Variants in SORBS2 observed in about 807,000 individuals in gnomAD.
SORBS2 encodes the protein sorbin and SH3 domain-containing protein 2.
A neutral mutation model predicts 97.7 loss-of-function variants in SORBS2; 46 were observed. That is an observed-to-expected ratio of 0.47 (90% CI 0.37 to 0.60). The LOEUF is 0.60. Among genes scored for constraint, SORBS2 ranks in the 20% least tolerant of loss-of-function variants. The pLI, the probability that SORBS2 is intolerant of heterozygous loss-of-function variation, is 0.00. For synonymous variants in SORBS2, 476 were observed against 473.4 expected, an observed-to-expected ratio of 1.01 and a Z score of -0.07; for missense variants, 1,316 against 1,282.3, an observed-to-expected ratio of 1.03 and a Z score of -0.40.
intron 4 of SORBS2, among the ~76,000 whole-genome samples, chr4:185,663,848 C>CTTTT (rs56177449): frequency 9.1e-4 from 74 of 80,986 alleles, no homozygotes; most frequent in African/African-American, 1.7e-3. Context: ...TAGATTTATT[C>CTTTT]TTTTTTTTTT....
rs543178060 is a variant in SORBS2 at position 185,737,766 on chromosome 4, C to T, written c.-198+37461G>A. 3.9e-5 allele frequency among the ~76,000 whole-genome samples: 6 copies of T among 152,326 alleles called. No individual in the cohort carries two copies. In the South Asian group the frequency reaches 1.2e-3, roughly 32 times the overall value. On this transcript the variant is annotated intron_variant, in intron 2 of 20. Transcript: ENST00000284776. ...CCTTCACGAAGTCAGGGTCTGTCCA[C>T]CGTCTAAAGATCGAGACCTCATGTT...
intron 2 of SORBS2, among the ~76,000 whole-genome samples, chr4:185,767,011 G>T (rs535549236): frequency 6.6e-6 from 1 of 151,186 alleles, no homozygotes; most frequent in Non-Finnish European, 1.5e-5. Flanking sequence ...GATTCTTTTC[G>T]GTATGCCGAC....
chr4:185,809,156 A>G (rs1326992005), intron 1 of SORBS2, among the ~76,000 whole-genome samples: 1 of 152,192 alleles, frequency 6.6e-6, no homozygotes, highest in East Asian at 1.9e-4. Context: ...CTATATTTAC[A>G]GTAACTAATA....
intron 1 of SORBS2, among the ~76,000 whole-genome samples, chr4:185,898,567 G>A (rs757573172): frequency 5.9e-5 from 9 of 152,124 alleles, no homozygotes; most frequent in Non-Finnish European, 1.0e-4. Context: ...AGTCAGTAAC[G>A]GGTGGCAAAA....
intron 1 of SORBS2, chr4:185,918,159 T>C (rs1034422833): frequency 4.6e-5 from 7 of 152,154 alleles, no homozygotes; most frequent in African/African-American, 1.7e-4. Flanking sequence ...ATACCTAAGA[T>C]GTTTTCACAG....
intron 1 of SORBS2, among the ~76,000 whole-genome samples, chr4:185,827,735 T>C (rs201307281): frequency 4.1e-4 from 19 of 46,092 alleles, no homozygotes; most frequent in South Asian, 7.2e-4. Flanking sequence ...ATCACCATCA[T>C]CATCACCATC....
At chr4:185,731,525 C>CCCCTCCCTCTCTCCCTGCCTATCTCTTT (rs2098628384) in intron 2 of SORBS2, among the ~76,000 whole-genome samples, 1 of 98,912 alleles carries the variant, frequency 1.0e-5, no homozygotes, top group Admixed American at 1.0e-4. Flanking sequence ...TATCTCTCTC[C>CCCCTCCCTCTCTCCCTGCCTATCTCTTT]CCCTCCCTCT....
chr4:185,761,755 GC>G (rs1204978765), intron 2 of SORBS2, among the ~76,000 whole-genome samples: 2 of 152,158 alleles, frequency 1.3e-5, no homozygotes, highest in African/African-American at 2.4e-5. Flanking sequence ...TGAGTTCCAT[GC>G]CCAGCAGTGA....
chr4:185,732,421 C>T (rs2098648352), intron 2 of SORBS2, among the ~76,000 whole-genome samples: 1 of 152,056 alleles, frequency 6.6e-6, no homozygotes, highest in South Asian at 2.1e-4. Flanking sequence ...AGATATTTTC[C>T]AGGGTTTTAG....
In SORBS2 at chr4:185,623,388, C is replaced by A; in HGVS notation, c.1741G>T (p.Ala581Ser). 6.2e-7 allele frequency: 1 copy of A among 1,612,568 alleles called. No homozygotes were observed. ...GGCTCCTCGGTGTTTTCGTGTCTGGCTCTTTCGTGTTTTAACATTGTGGTA... is the reference window on the plus strand; with the variant it reads ...GGCTCCTCGGTGTTTTCGTGTCTGGATCTTTCGTGTTTTAACATTGTGGTA... The change falls in exon 7 of 15, where the codon GCC (alanine) becomes TCC (serine). Residue 581 changes from alanine to serine, a missense_variant. Physicochemically the swap from Ala to Ser is moderately conservative, Grantham distance 99. Transcript: ENST00000418609. The surrounding 1 kb of genome is among the most constrained non-coding windows in gnomAD (Gnocchi z 6.4).
intron 1 of SORBS2, among the ~76,000 whole-genome samples, chr4:185,786,693 G>A (rs1273967308): frequency 6.6e-6 from 1 of 152,196 alleles, no homozygotes; most frequent in African/African-American, 2.4e-5. Context: ...TGGGCATCGT[G>A]GCTCACGCCT....
intron 7 of SORBS2, 136 bp downstream of exon 19, chr4:185,622,777 CA>C: frequency 1.3e-6 from 1 of 755,158 alleles, no homozygotes; most frequent in Non-Finnish European, 2.1e-6. Context: ...ATTTGCACAA[CA>C]AGTTTTTGCT....
chr4:185,601,558 G>A (rs1043099455), intron 12 of SORBS2, among the ~76,000 whole-genome samples: 2 of 152,038 alleles, frequency 1.3e-5, no homozygotes, highest in Non-Finnish European at 2.9e-5. Context: ...TACCAGTCCC[G>A]GACACCCTTC....
intron 1 of SORBS2, among the ~76,000 whole-genome samples, chr4:185,851,023 G>T (rs189807128): frequency 6.6e-6 from 1 of 152,244 alleles, no homozygotes. Context: ...GACACCAACG[G>T]CTTTCCTGGT....
intron 1 of SORBS2, chr4:185,933,032 G>A (rs926856299): frequency 3.3e-5 from 5 of 152,136 alleles, no homozygotes; most frequent in Non-Finnish European, 5.9e-5. Flanking sequence ...ATTACAACAC[G>A]GAGAAAACAT....
chr4:185,876,011 T>C (rs2099233405), intron 1 of SORBS2, among the ~76,000 whole-genome samples: 1 of 152,240 alleles, frequency 6.6e-6, no homozygotes, highest in South Asian at 2.1e-4. Flanking sequence ...AACAAACTCT[T>C]CTCTGTGTTT....
intron 1 of SORBS2, among the ~76,000 whole-genome samples, chr4:185,852,763 A>C (rs2099218646): frequency 6.6e-6 from 1 of 152,190 alleles, no homozygotes; most frequent in Non-Finnish European, 1.5e-5. Context: ...GAGTAGAGGC[A>C]TGTGGACTGA....
At chr4:185,955,643 C>T (rs1240858825) in intron 1 of SORBS2, among the ~76,000 whole-genome samples, 1 of 152,144 alleles carries the variant, frequency 6.6e-6, no homozygotes, top group Non-Finnish European at 1.5e-5. Flanking sequence ...ACGAGCACAC[C>T]AGCTGTCAGT....
At chr4:185,933,547 C>T (rs186856870) in intron 1 of SORBS2, among the ~76,000 whole-genome samples, 306 of 152,246 alleles carry the variant, frequency 2.0e-3, no homozygotes, top group Admixed American at 3.2e-3. Context: ...TGCCTTTCCC[C>T]TTGCTGGCCG....
Sources: gnomAD v4.1 joint callset for allele counts (sites outside exome capture counted in the v4.1 genomes callset) on GRCh38, gnomAD v4.1.1 for gene constraint, Gnocchi (gnomAD v3.1) non-coding constraint, MANE v1.5 for transcripts, NCBI Gene and HGNC (gene_info 2026-07-23, HGNC 2026-07-21) for gene names.